The following DLG2 variants were observed in gnomAD, a reference collection of about 807,000 sequenced individuals.
DLG2 encodes discs large MAGUK scaffold protein 2.
Under a neutral mutation model 132.5 loss-of-function variants are expected in DLG2, and 45 were observed. The observed-to-expected ratio is 0.34, with a 90% confidence interval of 0.27 to 0.44. The LOEUF (loss-of-function observed/expected upper bound fraction) is 0.44. Among genes scored for constraint, DLG2 ranks in the 20% least tolerant of loss-of-function variants. The pLI, the probability that DLG2 is intolerant of heterozygous loss-of-function variation, is 1.00. For missense variants in DLG2, 1,045 were observed against 1,196.9 expected (o/e 0.87, Z 1.87); for synonymous variants, 424 against 419.6 (o/e 1.01, Z -0.13).
At chr11:84,657,139 A>G (rs1290730837) in intron 6 of DLG2, among the ~76,000 whole-genome samples, 1 of 152,176 alleles carries the variant, frequency 6.6e-6, no homozygotes, top group Non-Finnish European at 1.5e-5. Flanking sequence ...GACTGTTTTA[A>G]TGTGCTAATC....
rs564096299 is a variant in DLG2, at chr11:84,608,022, C to A, written c.358-73291G>T. ...TTGTGTCAGATAACAATTCCTGTGT[C>A]AAGATAGGCTTGAGAAAAGCAACCT... On this transcript the variant is annotated intron_variant, in intron 6 of 27. Coordinates refer to ENST00000376104, the MANE Select transcript of DLG2 (RefSeq NM_001142699.3). 2.0e-5 allele frequency among the ~76,000 whole-genome samples: 3 copies of A among 152,270 alleles called. No homozygotes were observed. In the South Asian group the frequency reaches 6.2e-4, roughly 32 times the overall value.
chr11:84,804,357 T>A (rs1397582836), intron 6 of DLG2, among the ~76,000 whole-genome samples: 1 of 151,998 alleles, frequency 6.6e-6, no homozygotes, highest in African/African-American at 2.4e-5. Context: ...GCTAAACAAA[T>A]CAGAAAAGGC....
At chr11:84,223,573 T>C (rs77847609) in intron 8 of DLG2, among the ~76,000 whole-genome samples, 1 of 151,580 alleles carries the variant, frequency 6.6e-6, no homozygotes, top group East Asian at 1.9e-4. Context: ...TTTTTTTTTT[T>C]TGAGGCAGAG....
chr11:84,929,899 A>T (rs1314277097), intron 6 of DLG2, among the ~76,000 whole-genome samples: 1 of 152,064 alleles, frequency 6.6e-6, no homozygotes, highest in African/African-American at 2.4e-5. Context: ...ACTTGCAAAG[A>T]TTTTTTTAAA....
At chr11:84,445,983 T>C (rs1602263967) in intron 7 of DLG2, among the ~76,000 whole-genome samples, 1 of 150,328 alleles carries the variant, frequency 6.7e-6, no homozygotes, top group East Asian at 2.0e-4. Context: ...TTTCCCTCAC[T>C]CTCATTATTC....
At chr11:85,289,010 A>G (rs1167311144) in intron 3 of DLG2, among the ~76,000 whole-genome samples, 1 of 152,146 alleles carries the variant, frequency 6.6e-6, no homozygotes, top group African/African-American at 2.4e-5. Flanking sequence ...TATTTTTAAT[A>G]TTAAACTTAC....
At chr11:85,134,329 A>T (rs1594723365) in intron 5 of DLG2, among the ~76,000 whole-genome samples, 1 of 150,372 alleles carries the variant, frequency 6.7e-6, no homozygotes, top group East Asian at 2.0e-4. Flanking sequence ...GGAGATCGAG[A>T]CCATCCCGGC....
rs751011982 is a variant in DLG2 at position 84,864,370 on chromosome 11, T to C, written c.357+247291A>G. ...TCAGTCTGAGGACATGCAGAACCTATACATACACTTCTATGGATTAGCCTG... is the reference window on the plus strand; with the variant it reads ...TCAGTCTGAGGACATGCAGAACCTACACATACACTTCTATGGATTAGCCTG... On this transcript the variant is annotated intron_variant, in intron 6 of 27. Transcript: ENST00000376104. 1.2e-4 allele frequency among the ~76,000 whole-genome samples: 19 copies of C among 152,174 alleles called. 1 individual carries two copies. The highest frequency in any genetic ancestry group is 6.3e-3 in the Middle Eastern group (2 of 316).
intron 3 of DLG2, among the ~76,000 whole-genome samples, chr11:85,577,566 C>A: frequency 6.6e-6 from 1 of 151,812 alleles, no homozygotes; most frequent in Non-Finnish European, 1.5e-5. Context: ...GACAGACAAC[C>A]AAGTGGAAGA....
At chr11:84,165,252 C>T (rs952027690) in intron 8 of DLG2, among the ~76,000 whole-genome samples, 5 of 152,072 alleles carry the variant, frequency 3.3e-5, no homozygotes, top group Non-Finnish European at 4.4e-5. Context: ...GAGAAAAACA[C>T]GCCTCTAATA....
intron 7 of DLG2, among the ~76,000 whole-genome samples, chr11:84,496,440 T>C (rs975963094): frequency 1.1e-4 from 16 of 152,132 alleles, no homozygotes; most frequent in Non-Finnish European, 1.9e-4. Flanking sequence ...GGACTACAGA[T>C]AGATGGCTTT....
intron 4 of DLG2, among the ~76,000 whole-genome samples, chr11:85,194,328 G>A (rs2080869624): frequency 6.6e-6 from 1 of 152,020 alleles, no homozygotes; most frequent in African/African-American, 2.4e-5. Context: ...GTATGGAAAA[G>A]CTGTACAAGG....
intron 18 of DLG2, among the ~76,000 whole-genome samples, chr11:83,665,909 A>G (rs540502856): frequency 1.3e-5 from 2 of 152,306 alleles, no homozygotes; most frequent in Non-Finnish European, 2.9e-5. Flanking sequence ...ACAAGGGTGC[A>G]TGGGAATTGG....
intron 16 of DLG2, among the ~76,000 whole-genome samples, chr11:83,873,440 C>G (rs1377817070): frequency 6.6e-6 from 1 of 152,090 alleles, no homozygotes; most frequent in Non-Finnish European, 1.5e-5. Flanking sequence ...GTGAATAAGT[C>G]TCATGAGATC....
At chr11:84,518,580 C>G (rs72943755) in intron 7 of DLG2, among the ~76,000 whole-genome samples, 6 of 152,206 alleles carry the variant, frequency 3.9e-5, no homozygotes, top group Admixed American at 3.3e-4. Flanking sequence ...ATGCGTGCCT[C>G]GGAAGCTCTC....
At chr11:83,631,206 T>G in intron 19 of DLG2, 1 of 150,158 alleles carries the variant, frequency 6.7e-6, no homozygotes, top group Non-Finnish European at 1.5e-5. Context: ...TTATCACTTT[T>G]CATGAGAATA....
At chr11:84,909,337 C>A (rs1232250777) in intron 6 of DLG2, among the ~76,000 whole-genome samples, 1 of 152,048 alleles carries the variant, frequency 6.6e-6, no homozygotes, top group Non-Finnish European at 1.5e-5. Flanking sequence ...TATATAAACT[C>A]TCAGAAAGAA....
chr11:83,894,263 C>T (rs978037835), intron 15 of DLG2, among the ~76,000 whole-genome samples: 6 of 152,078 alleles, frequency 3.9e-5, no homozygotes, highest in African/African-American at 1.4e-4. Context: ...GTTCCTGTTA[C>T]TAAGAATCTT....
At chr11:84,097,693 T>C (rs1232290348) in intron 10 of DLG2, among the ~76,000 whole-genome samples, 2 of 152,200 alleles carry the variant, frequency 1.3e-5, no homozygotes, top group African/African-American at 4.8e-5. Flanking sequence ...TTTATTTATT[T>C]ACTTACTCAA....
Sources: gnomAD v4.1 joint callset for allele counts (sites outside exome capture counted in the v4.1 genomes callset) on GRCh38, gnomAD v4.1.1 for gene constraint, MANE v1.5 for transcripts, NCBI Gene and HGNC (gene_info 2026-07-23, HGNC 2026-07-21) for gene names.